The following KICS2 variants were observed in gnomAD, a reference collection of about 807,000 sequenced individuals.
KICS2 encodes the protein KICSTOR complex protein C12orf66.
A neutral mutation model predicts 31.4 loss-of-function variants in KICS2; 13 were observed. That is an observed-to-expected ratio of 0.41 (90% CI 0.27 to 0.66). The LOEUF is 0.66. KICS2 is among the 30% of genes least tolerant of loss of function. The pLI is 0.28. For missense variants in KICS2, 455 were observed against 545.4 expected, an observed-to-expected ratio of 0.83 and a Z score of 1.65; for synonymous variants, 209 against 214.8, an observed-to-expected ratio of 0.97 and a Z score of 0.24.
At chr12:64,212,268 G>A (rs560626998) in intron 2 of KICS2, among the ~76,000 whole-genome samples, 4 of 152,124 alleles carry the variant, frequency 2.6e-5, no homozygotes, top group South Asian at 2.1e-4. Context: ...AAAGTCTCAC[G>A]GTCCCCAAAA....
chr12:64,187,846 T>G (rs578207948), downstream of KICS2, among the ~76,000 whole-genome samples: 2 of 152,340 alleles, frequency 1.3e-5, no homozygotes, highest in South Asian at 4.1e-4. Context: ...CTAAAAGTGA[T>G]CTTTTACATA....
intron 1 of KICS2, among the ~76,000 whole-genome samples, chr12:64,218,544 C>CAA (rs1565721174): frequency 6.6e-6 from 1 of 152,056 alleles, no homozygotes; most frequent in Non-Finnish European, 1.5e-5. Context: ...TTTAAAACTC[C>CAA]TAATAATAAT....
chr12:64,219,196 A>G (rs2031528901), intron 1 of KICS2, among the ~76,000 whole-genome samples: 1 of 152,186 alleles, frequency 6.6e-6, no homozygotes, highest in South Asian at 2.1e-4. Context: ...TCTTGCTAAT[A>G]ATACTTTTTA....
At chr12:64,215,045 C>A (rs776691635) in intron 2 of KICS2, among the ~76,000 whole-genome samples, 2 of 151,924 alleles carry the variant, frequency 1.3e-5, no homozygotes, top group Non-Finnish European at 2.9e-5. Flanking sequence ...TTGGCTCAGG[C>A]CTGTAATCCC....
intron 1 of KICS2, among the ~76,000 whole-genome samples, chr12:64,220,163 G>C (rs2037667159): frequency 6.6e-6 from 1 of 152,172 alleles, no homozygotes. Flanking sequence ...ACGTAACAGT[G>C]CCTGGGCATG....
At chr12:64,208,619 C>T (rs1286213200) in intron 2 of KICS2, among the ~76,000 whole-genome samples, 1 of 152,106 alleles carries the variant, frequency 6.6e-6, no homozygotes, top group Admixed American at 6.5e-5. Flanking sequence ...GAAAAGTGGG[C>T]ATAAGGGCTA....
chr12:64,188,279 C>CT (rs2037354272), downstream of KICS2, among the ~76,000 whole-genome samples: 2 of 152,042 alleles, frequency 1.3e-5, no homozygotes, highest in African/African-American at 2.4e-5. Flanking sequence ...AATCCCAGCA[C>CT]TTGGGAGGCC....
chr12:64,210,279 T>C (rs948281193), intron 2 of KICS2, among the ~76,000 whole-genome samples: 1 of 152,180 alleles, frequency 6.6e-6, no homozygotes, highest in Admixed American at 6.5e-5. Context: ...ATGGAAATTG[T>C]AGATGAAAAA....
chr12:64,195,873 G>A lies in KICS2; in HGVS notation c.522-1215C>T, dbSNP rs527729366. On this transcript the variant is annotated intron_variant, in intron 2 of 2. Transcript: ENST00000398055. ...CTGGAAAATCGGGTCACTCCCACCC[G>A]AATACTGCGCTTTTCTGACTGACTT... Among the ~76,000 whole-genome samples the A allele has an allele frequency of 9.2e-5, 14 of 152,340 alleles. No homozygotes were observed. The East Asian group carries it at 1.4e-3, about 15-fold the overall frequency.
chr12:64,220,212 C>T (rs1326922202), intron 1 of KICS2, among the ~76,000 whole-genome samples: 1 of 152,184 alleles, frequency 6.6e-6, no homozygotes, highest in African/African-American at 2.4e-5. Context: ...AGTTTCAAGG[C>T]ATAGTCCTCA....
At chr12:64,187,491 C>G, downstream of KICS2, 1 of 736,462 alleles carries the variant, frequency 1.4e-6, no homozygotes, top group South Asian at 1.7e-5. Context: ...AATATGCAGA[C>G]AAGGCATTAA....
chr12:64,218,353 AG>A (rs1420368728), intron 1 of KICS2, among the ~76,000 whole-genome samples: 1 of 152,208 alleles, frequency 6.6e-6, no homozygotes, highest in African/African-American at 2.4e-5. Flanking sequence ...CCACAATTAC[AG>A]GCTATGTTGA....
At position 64,215,820 on chromosome 12, in the gene KICS2, C is replaced by T; in HGVS notation, c.379G>A (p.Glu127Lys). 1 of 1,614,062 alleles carries T rather than the reference C, an allele frequency of 6.2e-7. No homozygotes were observed. The highest frequency in any genetic ancestry group is 8.5e-7 in the Non-Finnish European group (1 of 1,180,024). The change falls in exon 2 of 3, where the codon GAG (glutamate) becomes AAG (lysine). Residue 127 changes from glutamate to lysine, a missense_variant. Glu to Lys is a moderately conservative substitution (Grantham distance 56). Coordinates refer to ENST00000398055, the MANE Select transcript of KICS2 (RefSeq NM_152440.5). ...HVEELLSHLS[E>K]QLCFFVQARM... Reference sequence around the variant, plus strand: ...GCCTGAACAAAGAAGCAGAGCTGCTCTGACAGGTGGGAAAGGAGTTCTTCC... The same window carrying T: ...GCCTGAACAAAGAAGCAGAGCTGCTTTGACAGGTGGGAAAGGAGTTCTTCC...
Position 64,193,754 on chromosome 12 carries a change from A to G in KICS2, c.*88T>C. ...TTAGTTCTGAAAGAGGCATGAATGG[A>G]TGTAAACTCTATTCACAGACCACCG... On this transcript the variant is annotated 3_prime_UTR_variant, in exon 3 of 3. Transcript: ENST00000398055. The G allele has an allele frequency of 1.4e-6, 2 of 1,476,608 alleles. No individual in the cohort carries two copies. The highest frequency in any genetic ancestry group is 1.8e-6 in the Non-Finnish European group (2 of 1,115,382). 91.5% of individuals were successfully genotyped at this position (1,476,608 alleles called of 1,614,324 possible). A position where few individuals can be genotyped will look rare whatever the true frequency, so the allele number is the denominator to read the frequency against.
chr12:64,210,776 C>T (rs571788113), intron 2 of KICS2, among the ~76,000 whole-genome samples: 6 of 151,776 alleles, frequency 4.0e-5, no homozygotes, highest in African/African-American at 7.3e-5. Context: ...GACCTCATCT[C>T]GAAATAAATA....
chr12:64,205,672 GGGAA>G (rs1227354402), intron 2 of KICS2, among the ~76,000 whole-genome samples: 26 of 55,782 alleles, frequency 4.7e-4, no homozygotes, highest in East Asian at 3.8e-3. Flanking sequence ...GGAGGGAAAA[GGGAA>G]GGAAGGAAGG....
chr12:64,210,092 A>G (rs568447049), intron 2 of KICS2, among the ~76,000 whole-genome samples: 3 of 152,330 alleles, frequency 2.0e-5, no homozygotes, highest in East Asian at 3.9e-4. Context: ...TTGATACATA[A>G]AGGAATCCCA....
chr12:64,187,689 T>C, downstream of KICS2: 1 of 1,521,170 alleles, frequency 6.6e-7, no homozygotes, highest in Non-Finnish European at 8.8e-7. Flanking sequence ...CTAAATTAAA[T>C]TAAACCTACA....
intron 2 of KICS2, among the ~76,000 whole-genome samples, chr12:64,211,551 G>A (rs117730284): frequency 0.025 from 3,789 of 152,136 alleles, 77 homozygotes; most frequent in African/African-American, 0.045. Context: ...CCCCAGAGGC[G>A]GAAGTTGCGG....
Sources: allele counts gnomAD v4.1 joint callset (sites outside exome capture counted in the v4.1 genomes callset), GRCh38; gene constraint gnomAD v4.1.1; transcripts MANE v1.5; gene names NCBI Gene and HGNC (gene_info 2026-07-23, HGNC 2026-07-21).